The following TBC1D26 variants were observed in gnomAD, a reference collection of about 807,000 sequenced individuals.
The protein encoded by TBC1D26 is TBC1 domain family member 26.
Under a neutral mutation model 42.5 loss-of-function variants are expected in TBC1D26, and 19 were observed. That is an observed-to-expected ratio of 0.45 (90% confidence interval 0.31 to 0.66). TBC1D26 has a LOEUF of 0.66. Ranked by LOEUF, TBC1D26 falls within the 30% of genes least tolerant of loss-of-function variation. The pLI is 0.06. For synonymous variants in TBC1D26, 97 were observed against 123.5 expected, an observed-to-expected ratio of 0.79 and a Z score of 1.42; for missense variants, 228 against 332.6, an observed-to-expected ratio of 0.69 and a Z score of 2.45.
At chr17:15,738,944 G>C in intron 8 of TBC1D26, 114 bp downstream of exon 8, 1 of 1,429,040 alleles carries the variant, frequency 7.0e-7, no homozygotes, top group Non-Finnish European at 9.7e-7. Context: ...GAGCCACCAA[G>C]GGCTCTCCTG....
intron 10 of TBC1D26, 169 bp from the exon 11 acceptor site, chr17:15,741,773 T>C (rs1597757985): frequency 1.6e-6 from 1 of 633,538 alleles, no homozygotes; most frequent in East Asian, 2.8e-5. Flanking sequence ...AGGCAGTGCC[T>C]CCAGCCAGGG....
Position 15,735,430 on chromosome 17 carries a change from G to A in TBC1D26, c.75+7G>A, listed in dbSNP as rs754527643. The A allele has an allele frequency of 7.3e-5, 117 of 1,611,912 alleles. No homozygotes were observed. Among genetic ancestry groups the A allele is most frequent in the Non-Finnish European group, 9.2e-5 (108 of 1,179,158 alleles). ...CATTACTAAGTATGAGCAGGTACAA[G>A]TTGGGCCGCTCCCTCAAGGGAAGCA... On this transcript the variant is annotated splice_region_variant and intron_variant, in intron 3 of 14. Coordinates refer to ENST00000437605, the MANE Select transcript of TBC1D26 (RefSeq NM_001388465.1).
At chr17:15,738,580 C>T in intron 7 of TBC1D26, 141 bp from the exon 8 acceptor site, 1 of 1,466,170 alleles carries the variant, frequency 6.8e-7, no homozygotes, top group South Asian at 1.2e-5. Flanking sequence ...GTGTCAGAAA[C>T]AAGGTAAAAA....
intron 8 of TBC1D26, among the ~76,000 whole-genome samples, chr17:15,739,864 C>A (rs1967725913): frequency 6.6e-6 from 1 of 152,232 alleles, no homozygotes; most frequent in Non-Finnish European, 1.5e-5. Flanking sequence ...AAAAAATCAA[C>A]CAGAGTGAAA....
At position 15,742,396 on chromosome 17, in the gene TBC1D26, G is replaced by A. The variant is rs1034477100; in HGVS notation, c.742-18G>A. 37 of 374,734 alleles carry A rather than the reference G, an allele frequency of 9.9e-5. No individual in the cohort carries two copies. Among genetic ancestry groups the A allele is most frequent in the African/African-American group, 6.1e-4 (29 of 47,402 alleles). The allele number at this position is 374,734 out of a possible 1,614,324, so 23.2% of individuals were successfully genotyped here. Reference sequence around the variant, plus strand: ...GGGCAGCCCAGGGGGCCCTGAGCACGTGTGCTCCTCCCTTCAGGGCAAGGA... The same window carrying A: ...GGGCAGCCCAGGGGGCCCTGAGCACATGTGCTCCTCCCTTCAGGGCAAGGA... On this transcript the variant is annotated intron_variant, in intron 11 of 14. Transcript: ENST00000437605.
chr17:15,736,210 G>A (rs888471177), intron 4 of TBC1D26, among the ~76,000 whole-genome samples: 1 of 152,262 alleles, frequency 6.6e-6, no homozygotes, highest in Non-Finnish European at 1.5e-5. Flanking sequence ...AGGCCAGGGG[G>A]ACAACAGAGC....
chr17:15,740,581 G>T lies in TBC1D26; in HGVS notation c.546+433G>T, dbSNP rs148470498. 2.0e-4 allele frequency: 224 copies of T among 1,100,894 alleles called. 1 individual carries two copies. The African/African-American group carries it at 3.3e-3, about 16-fold the overall frequency. 68.2% of individuals were successfully genotyped at this position (1,100,894 alleles called of 1,614,324 possible). A position where few individuals can be genotyped will look rare whatever the true frequency, so the allele number is the denominator to read the frequency against. On this transcript the variant is annotated intron_variant, in intron 9 of 14. Coordinates refer to ENST00000437605, the MANE Select transcript of TBC1D26 (RefSeq NM_001388465.1). The stretch of plus-strand genomic sequence containing the variant: ...GAACCCCATAGGAGCATAGCAGATA[G>T]GGAGGGGGGTCACCCAGGTGGCTGT...
chr17:15,741,823 A>T, intron 10 of TBC1D26, 119 bp from the exon 11 acceptor site: 1 of 911,224 alleles, frequency 1.1e-6, no homozygotes, highest in Admixed American at 2.3e-5. Context: ...TGGGGTCACC[A>T]CATGGGAGGG....
intron 9 of TBC1D26, chr17:15,740,811 G>A (rs903988368): frequency 4.1e-6 from 3 of 736,420 alleles, no homozygotes; most frequent in Admixed American, 4.0e-5. Flanking sequence ...CCCAGGCCTG[G>A]CACAGTGGCC....
intron 4 of TBC1D26, 99 bp from the exon 5 acceptor site, chr17:15,737,385 G>A: frequency 7.0e-7 from 1 of 1,422,130 alleles, no homozygotes; most frequent in Non-Finnish European, 9.6e-7. Flanking sequence ...GAGACTTAGG[G>A]TGGATGGGGG....
At chr17:15,741,864 C>G in intron 10 of TBC1D26, 78 bp from the exon 11 acceptor site, 1 of 1,478,044 alleles carries the variant, frequency 6.8e-7, no homozygotes, top group Non-Finnish European at 9.4e-7. Context: ...GGTCCCCTGC[C>G]CTGCCCAGCT....
chr17:15,741,060 C>A, intron 9 of TBC1D26, 62 bp from the exon 10 acceptor site: 1 of 1,595,928 alleles, frequency 6.3e-7, no homozygotes, highest in Non-Finnish European at 8.5e-7. Flanking sequence ...TGACATAAGT[C>A]CTCCCAGGTG....
chr17:15,741,990 A>G lies in TBC1D26; in HGVS notation c.695A>G (p.Gln232Arg). The G allele has an allele frequency of 6.2e-7, 1 of 1,614,092 alleles. No individual in the cohort carries two copies. The highest frequency in any genetic ancestry group is 8.5e-7 in the Non-Finnish European group (1 of 1,179,996). ...TGGCTCGAGAGGCTCCTATCGCACC[A>G]GGAGCAGGTGCTGCACAAGTCCTTC... ...TAWLERLLSHQEQVLHKSFPK... is the reference protein window; with the variant it reads ...TAWLERLLSHREQVLHKSFPK... The change falls in exon 11 of 15, where the codon CAG becomes CGG. Residue 232 changes from glutamine to arginine, a missense_variant. Gln to Arg is a conservative substitution (Grantham distance 43, BLOSUM62 1). Coordinates refer to ENST00000437605, the MANE Select transcript of TBC1D26 (RefSeq NM_001388465.1).
intron 9 of TBC1D26, chr17:15,740,439 T>C: frequency 2.9e-6 from 4 of 1,370,264 alleles, no homozygotes. Flanking sequence ...AGGAGACAGG[T>C]TTGACAAGTT....
At chr17:15,736,236 C>G (rs894546968) in intron 4 of TBC1D26, among the ~76,000 whole-genome samples, 2 of 152,246 alleles carry the variant, frequency 1.3e-5, no homozygotes, top group African/African-American at 4.8e-5. Context: ...ACTGAAGGCC[C>G]CGGGAGTGGT....
At chr17:15,735,262 T>C in intron 2 of TBC1D26, 86 bp from the exon 3 acceptor site, 1 of 1,098,750 alleles carries the variant, frequency 9.1e-7, no homozygotes, top group South Asian at 1.4e-5. Flanking sequence ...CAGACTGGAG[T>C]GTGTCTGGGA....
In TBC1D26 at chr17:15,738,453, C is replaced by T. The variant is rs2151500083; in HGVS notation, c.387+66C>T. 32 of 1,572,668 alleles carry T rather than the reference C, an allele frequency of 2.0e-5. No homozygotes were observed. In the South Asian group the frequency reaches 3.6e-4, roughly 18 times the overall value. On this transcript the variant is annotated intron_variant, in intron 7 of 14. Transcript: ENST00000437605. Reference sequence around the variant, plus strand: ...AGACTGTATCAGGAGCCCAGGACTCCAGCTGGAGGGAACGTTGAGCCTGGG... The same window carrying T: ...AGACTGTATCAGGAGCCCAGGACTCTAGCTGGAGGGAACGTTGAGCCTGGG...
chr17:15,737,390 TG>T, intron 4 of TBC1D26, 93 bp from the exon 5 acceptor site: 1 of 1,435,626 alleles, frequency 7.0e-7, no homozygotes, highest in Non-Finnish European at 9.5e-7. Flanking sequence ...TTAGGGTGGA[TG>T]GGGGTAGGCT....
At chr17:15,740,833 G>A (rs1967756875) in intron 9 of TBC1D26, 3 of 626,538 alleles carry the variant, frequency 4.8e-6, no homozygotes, top group Non-Finnish European at 7.2e-6. Context: ...CCCCAGCCTG[G>A]CCCAGGGGAG....
Sources: allele counts gnomAD v4.1 joint callset (sites outside exome capture counted in the v4.1 genomes callset), GRCh38; gene constraint gnomAD v4.1.1; transcripts MANE v1.5; gene names NCBI Gene and HGNC (gene_info 2026-07-23, HGNC 2026-07-21).